Variants in PLXDC2 observed in about 807,000 individuals in gnomAD.
PLXDC2 encodes the protein plexin domain-containing protein 2.
A neutral mutation model predicts 68.9 loss-of-function variants in PLXDC2; 40 were observed. That is an observed-to-expected ratio of 0.58 (90% CI 0.45 to 0.76). The LOEUF is 0.76. PLXDC2 is among the 30% of genes least tolerant of loss of function. PLXDC2 has a pLI of 0.00. For synonymous variants in PLXDC2, 243 were observed against 234.2 expected, an observed-to-expected ratio of 1.04 and a Z score of -0.34; for missense variants, 644 against 661.9, an observed-to-expected ratio of 0.97 and a Z score of 0.30.
intron 12 of PLXDC2, among the ~76,000 whole-genome samples, chr10:20,244,924 G>A (rs1477310663): frequency 1.3e-5 from 2 of 152,136 alleles, no homozygotes; most frequent in Admixed American, 1.3e-4. Flanking sequence ...AGACCAGCCT[G>A]ACCAACATGG....
At chr10:19,915,309 C>A (rs1347543852) in intron 1 of PLXDC2, among the ~76,000 whole-genome samples, 1 of 152,018 alleles carries the variant, frequency 6.6e-6, no homozygotes, top group Non-Finnish European at 1.5e-5. Context: ...AGTGGTTACT[C>A]TAGAGATGAT....
intron 1 of PLXDC2, among the ~76,000 whole-genome samples, chr10:19,903,324 TTTTTTTTTTTAATTACCA>T (rs1457268750): frequency 6.8e-6 from 1 of 147,170 alleles, no homozygotes; most frequent in East Asian, 2.0e-4. Flanking sequence ...TTTGTTGGCT[TTTTTTTTTTTAATTACCA>T]TTTCAATCTC....
intron 10 of PLXDC2, 70 bp downstream of exon 10, chr10:20,211,799 A>T: frequency 7.0e-7 from 1 of 1,429,134 alleles, no homozygotes; most frequent in South Asian, 1.3e-5. Context: ...ACTGTTAATA[A>T]TTTTTATTCA....
rs1834944354 is a variant in PLXDC2, at chr10:20,001,805, C to G, written c.143C>G (p.Pro48Arg). ...CAGTATGGAGTTACTCAGGCCTTCC[C>G]TCACACAGAGGAGGAGGTGGAAGTT... The part of the protein sequence containing the change: ...DWQYGVTQAF[P>R]HTEEEVEVDS... The change falls in exon 2 of 14, where the codon CCT becomes CGT. Residue 48 changes from proline (P) to arginine (R), a missense_variant. By Grantham distance (103) the Pro-to-Arg change is moderately radical. This residue lies in a region of PLXDC2 where 201 missense variants were observed against 166.9 expected (regional missense o/e 1.20). Transcript: ENST00000377252. 1 of 1,614,042 alleles carries G rather than the reference C, an allele frequency of 6.2e-7. No individual in the cohort carries two copies.
At chr10:19,850,853 C>T (rs568852455) in intron 1 of PLXDC2, among the ~76,000 whole-genome samples, 56 of 152,130 alleles carry the variant, frequency 3.7e-4, no homozygotes, top group Non-Finnish European at 6.3e-4. Flanking sequence ...AGCCCAGAGT[C>T]CTGTGCTGTT....
chr10:20,287,141 C>T lies in PLXDC2; in HGVS notation c.*7322C>T, dbSNP rs918053478. The T allele has an allele frequency of 1.3e-5, 2 of 152,158 alleles. No individual in the cohort carries two copies. The highest frequency in any genetic ancestry group is 2.4e-5 in the African/African-American group (1 of 41,404). The allele number at this position is 152,158 out of a possible 1,614,324, so 9.4% of individuals were successfully genotyped here. A position where few individuals can be genotyped will look rare whatever the true frequency, so the allele number is the denominator to read the frequency against. On this transcript the variant is annotated 3_prime_UTR_variant, in exon 14 of 14. Coordinates refer to ENST00000377252, the MANE Select transcript of PLXDC2 (RefSeq NM_032812.9). ...CATATTCTGCAAGCAATGCTGAGAC[C>T]CCTGACATAGAGAAAGCAAAGGATA...
chr10:19,863,487 A>G (rs565961440), intron 1 of PLXDC2, among the ~76,000 whole-genome samples: 2 of 152,292 alleles, frequency 1.3e-5, no homozygotes, highest in South Asian at 4.1e-4. Context: ...ACATCCTAGA[A>G]TACAGGGAGC....
intron 1 of PLXDC2, among the ~76,000 whole-genome samples, chr10:19,917,734 C>T (rs1185531134): frequency 2.0e-4 from 31 of 152,134 alleles, no homozygotes; most frequent in Non-Finnish European, 4.0e-4. Context: ...GTGTCAATAG[C>T]TGAGTAAACT....
At chr10:20,209,529 T>TA (rs60349898) in intron 9 of PLXDC2, among the ~76,000 whole-genome samples, 109,001 of 150,578 alleles carry the variant, frequency 0.72, 39,700 homozygotes, top group East Asian at 0.95. Flanking sequence ...AGTATAATAA[T>TA]AAAAAAAAAG....
At chr10:19,831,001 TTTTTG>T (rs1394042636) in intron 1 of PLXDC2, among the ~76,000 whole-genome samples, 1 of 152,024 alleles carries the variant, frequency 6.6e-6, no homozygotes, top group Non-Finnish European at 1.5e-5. Context: ...TTCCTTTTTT[TTTTTG>T]TTTGTTTTTT....
intron 9 of PLXDC2, among the ~76,000 whole-genome samples, chr10:20,209,736 T>C (rs1380477607): frequency 6.6e-6 from 1 of 152,072 alleles, no homozygotes; most frequent in African/African-American, 2.4e-5. Flanking sequence ...CTACAATTTG[T>C]GCAGTTAATG....
At chr10:20,087,430 T>C (rs7907218) in intron 4 of PLXDC2, among the ~76,000 whole-genome samples, 31,441 of 152,154 alleles carry the variant, frequency 0.21, 3,937 homozygotes, top group African/African-American at 0.35. Context: ...TTCCATGTAG[T>C]AAAGCACAAT....
chr10:20,090,189 CAGG>C (rs2131729689), intron 4 of PLXDC2, among the ~76,000 whole-genome samples: 1 of 152,272 alleles, frequency 6.6e-6, no homozygotes, highest in African/African-American at 2.4e-5. Context: ...TGGAAGATGA[CAGG>C]AGAATGAAAT....
chr10:20,235,260 T>C (rs1835418364), intron 12 of PLXDC2, among the ~76,000 whole-genome samples: 1 of 152,196 alleles, frequency 6.6e-6, no homozygotes, highest in Admixed American at 6.5e-5. Context: ...GATTCCTTCT[T>C]TCCATGAGTA....
chr10:20,163,246 G>A (rs1007697633), intron 6 of PLXDC2, among the ~76,000 whole-genome samples: 4 of 151,998 alleles, frequency 2.6e-5, no homozygotes, highest in Non-Finnish European at 5.9e-5. Context: ...ATACATTAAG[G>A]GAAAATGTCA....
At chr10:19,840,091 G>A (rs1436904329) in intron 1 of PLXDC2, among the ~76,000 whole-genome samples, 1 of 152,132 alleles carries the variant, frequency 6.6e-6, no homozygotes, top group Non-Finnish European at 1.5e-5. Flanking sequence ...ATGCACTGAT[G>A]TCCTGTAGAT....
intron 1 of PLXDC2, among the ~76,000 whole-genome samples, chr10:19,943,773 A>G (rs915690095): frequency 6.6e-6 from 1 of 152,242 alleles, no homozygotes; most frequent in Admixed American, 6.5e-5. Flanking sequence ...TTGTCCTTTT[A>G]GATCTATTAA....
intron 1 of PLXDC2, among the ~76,000 whole-genome samples, chr10:19,994,572 C>G (rs1383599756): frequency 6.6e-6 from 1 of 151,742 alleles, no homozygotes; most frequent in African/African-American, 2.4e-5. Context: ...AGGTCTCCAT[C>G]TCCTGGTCTC....
intron 4 of PLXDC2, among the ~76,000 whole-genome samples, chr10:20,105,048 CAAAAAAA>C (rs11289832): frequency 7.2e-5 from 7 of 97,266 alleles, no homozygotes; most frequent in African/African-American, 1.3e-4. Context: ...AGACTCCATC[CAAAAAAA>C]AAAAAAAAAA....
Sources: allele counts gnomAD v4.1 joint callset (sites outside exome capture counted in the v4.1 genomes callset), GRCh38; gene constraint gnomAD v4.1.1; regional missense constraint gnomAD v4.1.1; transcripts MANE v1.5; gene names NCBI Gene and HGNC (gene_info 2026-07-23, HGNC 2026-07-21).